ADAMTSL1: variants seen among roughly 807,000 people sequenced by gnomAD.
ADAMTSL1 encodes ADAMTS-like protein 1.
A neutral mutation model predicts 201.8 loss-of-function variants in ADAMTSL1; 126 were observed. The observed-to-expected ratio is 0.62, with a 90% confidence interval of 0.54 to 0.72. The LOEUF (loss-of-function observed/expected upper bound fraction) is 0.72. Ranked by LOEUF, ADAMTSL1 falls within the 30% of genes least tolerant of loss-of-function variation. The pLI, the probability that ADAMTSL1 is intolerant of heterozygous loss-of-function variation, is 0.00. For missense variants in ADAMTSL1, 2,679 were observed against 2,277.8 expected (o/e 1.18, Z -3.59); for synonymous variants, 1,121 against 903.4 (o/e 1.24, Z -4.32).
At chr9:18,631,405 G>T (rs1826763698) in intron 5 of ADAMTSL1, among the ~76,000 whole-genome samples, 1 of 152,142 alleles carries the variant, frequency 6.6e-6, no homozygotes, top group Admixed American at 6.6e-5. Context: ...CCGTCACGAA[G>T]ATGTAAAACA....
At chr9:18,657,243 C>T (rs2811798) in intron 7 of ADAMTSL1, among the ~76,000 whole-genome samples, 75,638 of 151,976 alleles carry the variant, frequency 0.5, 19,034 homozygotes, top group East Asian at 0.78. Context: ...TTATTTTCTG[C>T]AGTATATAAT....
chr9:18,722,810 A>G (rs898967600), intron 15 of ADAMTSL1, among the ~76,000 whole-genome samples: 4 of 152,200 alleles, frequency 2.6e-5, no homozygotes, highest in African/African-American at 9.6e-5. Context: ...GCTTTGGAGA[A>G]GCACCCAACC....
At chr9:18,242,377 C>G (rs890415567) in intron 2 of ADAMTSL1, among the ~76,000 whole-genome samples, 1 of 152,018 alleles carries the variant, frequency 6.6e-6, no homozygotes, top group Non-Finnish European at 1.5e-5. Context: ...TAATAAAGGC[C>G]ATTTGGAAAA....
chr9:18,718,300 C>T, intron 14 of ADAMTSL1: 1 of 748,592 alleles, frequency 1.3e-6, no homozygotes, highest in East Asian at 2.6e-5. Flanking sequence ...AATGCAAAGC[C>T]TTGTCCATTT....
intron 3 of ADAMTSL1, among the ~76,000 whole-genome samples, chr9:18,536,061 T>C (rs529676725): frequency 6.6e-6 from 1 of 152,302 alleles, no homozygotes; most frequent in East Asian, 1.9e-4. Context: ...AATGAGAATC[T>C]AGAATCTTCA....
intron 2 of ADAMTSL1, among the ~76,000 whole-genome samples, chr9:18,426,287 A>G (rs911067203): frequency 5.3e-5 from 8 of 152,298 alleles, no homozygotes; most frequent in African/African-American, 1.9e-4. Context: ...GGGCTGGGAT[A>G]GAAGACAGCT....
intron 1 of ADAMTSL1, among the ~76,000 whole-genome samples, chr9:17,974,382 A>T (rs1391332960): frequency 1.3e-5 from 2 of 152,104 alleles, no homozygotes; most frequent in East Asian, 3.9e-4. Flanking sequence ...TAAGCTGATA[A>T]GCAACTTCAG....
At chr9:18,265,861 G>A (rs1371709030) in intron 2 of ADAMTSL1, among the ~76,000 whole-genome samples, 2 of 152,114 alleles carry the variant, frequency 1.3e-5, no homozygotes, top group Non-Finnish European at 2.9e-5. Context: ...AATGGCACAG[G>A]ATCAATGATG....
At position 18,310,399 on chromosome 9, in the gene ADAMTSL1, A is replaced by AAAAAAAAAAAAAAAC. The variant is rs1440483712; in HGVS notation, c.207+146418_207+146419insAAAAAAAAAAAAAAC. On this transcript the variant is annotated intron_variant, in intron 2 of 29. Coordinates refer to the ADAMTSL1 transcript ENST00000680146. ...AAAAAAAAAAAAAAAAAAAAAAAAA[A>AAAAAAAAAAAAAAAC]CTATCTTCAGAGTGAACAGGCAACC... Among the ~76,000 whole-genome samples, 85 of 127,392 alleles carry AAAAAAAAAAAAAAAC rather than the reference A, an allele frequency of 6.7e-4. 5 individuals are homozygous for AAAAAAAAAAAAAAAC. The highest frequency in any genetic ancestry group is 1.1e-3 in the Non-Finnish European group (65 of 58,272). 83.6% of individuals were successfully genotyped at this position (127,392 alleles called of 152,430 possible).
chr9:18,082,716 G>T (rs1432132644), intron 1 of ADAMTSL1, among the ~76,000 whole-genome samples: 2 of 152,150 alleles, frequency 1.3e-5, no homozygotes, highest in African/African-American at 4.8e-5. Context: ...TTCCTCCATT[G>T]TCCCTCTGCT....
chr9:18,640,260 G>T (rs902699839), intron 7 of ADAMTSL1, among the ~76,000 whole-genome samples: 2 of 152,110 alleles, frequency 1.3e-5, no homozygotes, highest in Admixed American at 6.6e-5. Context: ...CAGTCCAGAC[G>T]CCAGCCACAT....
intron 1 of ADAMTSL1, among the ~76,000 whole-genome samples, chr9:18,117,269 C>T (rs1825293107): frequency 6.6e-6 from 1 of 152,096 alleles, no homozygotes; most frequent in Admixed American, 6.6e-5. Flanking sequence ...GTTGTCTGCC[C>T]CTCTTTCAGA....
intron 7 of ADAMTSL1, among the ~76,000 whole-genome samples, chr9:18,642,347 A>G (rs1008008598): frequency 2.0e-5 from 3 of 152,020 alleles, no homozygotes; most frequent in Non-Finnish European, 4.4e-5. Flanking sequence ...CATATACAAC[A>G]TGTTTTCAAA....
At chr9:18,859,328 G>C (rs749361097) in intron 23 of ADAMTSL1, among the ~76,000 whole-genome samples, 11 of 152,214 alleles carry the variant, frequency 7.2e-5, no homozygotes, top group Non-Finnish European at 1.5e-4. Context: ...TGGCAGCATA[G>C]CATCTTCACA....
intron 1 of ADAMTSL1, among the ~76,000 whole-genome samples, chr9:18,156,428 A>G (rs1219792728): frequency 6.6e-6 from 1 of 152,038 alleles, no homozygotes; most frequent in Non-Finnish European, 1.5e-5. Context: ...AAGCCTAGAT[A>G]ATGATGTTGA....
chr9:18,202,349 A>C (rs1829484551), intron 2 of ADAMTSL1, among the ~76,000 whole-genome samples: 1 of 152,242 alleles, frequency 6.6e-6, no homozygotes, highest in East Asian at 1.9e-4. Flanking sequence ...TTATGATAAA[A>C]ACCAAAAGTA....
intron 1 of ADAMTSL1, among the ~76,000 whole-genome samples, chr9:17,947,277 A>G (rs1827530365): frequency 6.7e-6 from 1 of 150,340 alleles, no homozygotes; most frequent in Non-Finnish European, 1.5e-5. Flanking sequence ...AACTAATGTA[A>G]TGAAAAATTG....
intron 13 of ADAMTSL1, among the ~76,000 whole-genome samples, chr9:18,690,940 A>G (rs1015399089): frequency 2.6e-5 from 4 of 152,234 alleles, no homozygotes; most frequent in African/African-American, 4.8e-5. Flanking sequence ...CCCTTGCCCT[A>G]TGCCATGCTA....
chr9:18,136,627 T>G (rs1826169938), intron 1 of ADAMTSL1, among the ~76,000 whole-genome samples: 2 of 151,992 alleles, frequency 1.3e-5, no homozygotes, highest in Admixed American at 6.6e-5. Flanking sequence ...ATAAGATTTA[T>G]GTGGAACATT....
Sources: gnomAD v4.1 joint callset for allele counts (sites outside exome capture counted in the v4.1 genomes callset) on GRCh38, gnomAD v4.1.1 for gene constraint, MANE v1.5 for transcripts, NCBI Gene and HGNC (gene_info 2026-07-23, HGNC 2026-07-21) for gene names.